The following HADHA variants were observed in gnomAD, a reference collection of about 807,000 sequenced individuals.
HADHA encodes trifunctional enzyme subunit alpha, mitochondrial.
A neutral mutation model predicts 91.3 loss-of-function variants in HADHA; 59 were observed. That is an observed-to-expected ratio of 0.65 (90% CI 0.52 to 0.80). The LOEUF (loss-of-function observed/expected upper bound fraction) is 0.80. Ranked by LOEUF, HADHA falls within the 30% of genes least tolerant of loss-of-function variation. The pLI is 0.00. For synonymous variants in HADHA, 320 were observed against 338.9 expected (o/e 0.94, Z 0.61); for missense variants, 800 against 927.6 (o/e 0.86, Z 1.79).
Position 26,221,636 on chromosome 2 carries a change from C to T in HADHA, c.677-6461G>A, listed in dbSNP as rs1199346015. The stretch of plus-strand genomic sequence containing the variant: ...CAAAATACCCCACGGCCCTGTTCTT[C>T]TTTGTCTCTTCCAGCCTGCACCTAT... On this transcript the variant is annotated intron_variant, in intron 7 of 19. Transcript: ENST00000380649. This position sits in a 1 kb window ranked among gnomAD's most constrained non-coding sequence, Gnocchi z 4.8. Among the ~76,000 whole-genome samples the T allele has an allele frequency of 6.6e-6, 1 of 152,192 alleles. No individual in the cohort carries two copies. Among genetic ancestry groups the T allele is most frequent in the Non-Finnish European group, 1.5e-5 (1 of 68,028 alleles).
chr2:26,198,623 A>T (rs1669746718), intron 13 of HADHA, among the ~76,000 whole-genome samples: 1 of 151,002 alleles, frequency 6.6e-6, no homozygotes, highest in South Asian at 2.1e-4. Context: ...ACAAAATAAG[A>T]TTATAATGCA....
At chr2:26,211,580 T>C (rs576898198) in intron 10 of HADHA, among the ~76,000 whole-genome samples, 127 of 152,354 alleles carry the variant, frequency 8.3e-4, no homozygotes, top group African/African-American at 3.0e-3. Context: ...TCTGATCCCA[T>C]TCCCAAGATC....
At chr2:26,202,203 T>C (rs1669864266) in intron 12 of HADHA, among the ~76,000 whole-genome samples, 1 of 152,276 alleles carries the variant, frequency 6.6e-6, no homozygotes, top group Admixed American at 6.5e-5. Flanking sequence ...TTACATAAAA[T>C]ATTAACTCAA....
In HADHA at chr2:26,234,367, A is replaced by G. The variant is rs531815564; in HGVS notation, c.315-12T>C. The G allele has an allele frequency of 4.7e-5, 76 of 1,609,608 alleles. No homozygotes were observed. In the African/African-American group the frequency reaches 8.3e-4, roughly 18 times the overall value. On this transcript the variant is annotated splice_polypyrimidine_tract_variant and intron_variant, in intron 4 of 19. Coordinates refer to ENST00000380649, the MANE Select transcript of HADHA (RefSeq NM_000182.5). Reference sequence around the variant, plus strand: ...AAGCGGCTAACATGCTGCATTATCCATAAAAGTAGAGAACAGAGAAAAAGA... The same window carrying G: ...AAGCGGCTAACATGCTGCATTATCCGTAAAAGTAGAGAACAGAGAAAAAGA...
At chr2:26,203,007 G>A (rs1478043552) in intron 12 of HADHA, among the ~76,000 whole-genome samples, 1 of 152,244 alleles carries the variant, frequency 6.6e-6, no homozygotes, top group South Asian at 2.1e-4. Flanking sequence ...GAGACTGGGG[G>A]AGGAAACTAT....
chr2:26,229,375 A>ACAC lies in HADHA; in HGVS notation c.676+816_676+817insGTG. ...ACACACACACACACACACACACACAAAATTAATACATTTACTATTATGTAA... is the reference window on the plus strand; with the variant it reads ...ACACACACACACACACACACACACAACACAATTAATACATTTACTATTATGTAA... On this transcript the variant is annotated intron_variant, in intron 7 of 19. Coordinates refer to ENST00000380649, the MANE Select transcript of HADHA (RefSeq NM_000182.5). The surrounding 1 kb of genome is among the most constrained non-coding windows in gnomAD (Gnocchi z 4.3). Among the ~76,000 whole-genome samples the ACAC allele has an allele frequency of 1.3e-5, 1 of 75,646 alleles. No homozygotes were observed. The highest frequency in any genetic ancestry group is 1.2e-4 in the Admixed American group (1 of 8,382). The allele number at this position is 75,646 out of a possible 152,430, so 49.6% of individuals were successfully genotyped here.
intron 6 of HADHA, among the ~76,000 whole-genome samples, chr2:26,231,608 C>G (rs552002024): frequency 6.6e-6 from 1 of 152,252 alleles, no homozygotes; most frequent in Non-Finnish European, 1.5e-5. Flanking sequence ...TCCAGAAATG[C>G]AAGACATGCA....
chr2:26,233,400 A>G (rs1248155114), intron 5 of HADHA, among the ~76,000 whole-genome samples: 1 of 152,246 alleles, frequency 6.6e-6, no homozygotes, highest in Non-Finnish European at 1.5e-5. Flanking sequence ...TTATGTGGTA[A>G]ATGACTGCAT....
intron 7 of HADHA, among the ~76,000 whole-genome samples, chr2:26,222,876 T>C (rs1670405383): frequency 6.6e-6 from 1 of 152,188 alleles, no homozygotes; most frequent in Admixed American, 6.5e-5. Flanking sequence ...GCCAGCTAAG[T>C]GGCAGTATTT....
rs566403203 is a variant in HADHA, at chr2:26,206,717, T to C, written c.1086-2521A>G. On this transcript the variant is annotated intron_variant, in intron 11 of 19. Transcript: ENST00000380649. ...AGATGGACTTATACACAAGATGACA[T>C]GCTGTGATGAACAGCTATATAATAA... Among the ~76,000 whole-genome samples the C allele has an allele frequency of 3.9e-5, 6 of 152,334 alleles. No homozygotes were observed. In the South Asian group the frequency reaches 1.2e-3, roughly 32 times the overall value.
chr2:26,233,562 A>G (rs538703388), intron 5 of HADHA, among the ~76,000 whole-genome samples: 10 of 152,212 alleles, frequency 6.6e-5, no homozygotes, highest in Non-Finnish European at 1.3e-4. Flanking sequence ...CTGACAAAGC[A>G]CTTATATTAT....
chr2:26,191,378 C>G lies in HADHA; in HGVS notation c.2164G>C (p.Asp722His). The change falls in exon 20 of 20, where the codon GAT becomes CAT. Residue 722 changes from aspartate to histidine, a missense_variant. Asp to His is a moderately conservative substitution (Grantham distance 81, BLOSUM62 -1). Transcript: ENST00000380649. ...PCLGGPFRFVDLYGAQKIVDR... is the reference protein window; with the variant it reads ...PCLGGPFRFVHLYGAQKIVDR... Reference sequence around the variant, plus strand: ...ACTATCTTCTGGGCGCCATACAGATCCACAAAGCGGAAAGGCCCTGAATAG... The same window carrying G: ...ACTATCTTCTGGGCGCCATACAGATGCACAAAGCGGAAAGGCCCTGAATAG... The G allele has an allele frequency of 6.2e-7, 1 of 1,614,204 alleles. No homozygotes were observed. Among genetic ancestry groups the G allele is most frequent in the Non-Finnish European group, 8.5e-7 (1 of 1,180,042 alleles).
rs1164185327 is a variant in HADHA, at chr2:26,210,901, G to A, written c.976-1012C>T. On this transcript the variant is annotated intron_variant, in intron 10 of 19. Transcript: ENST00000380649. The surrounding 1 kb of genome is among the most constrained non-coding windows in gnomAD (Gnocchi z 4.0). ...ACTAGTAAAATGACCAGGGTCTCAA[G>A]GTTAGCTATTATTAATATCACTAGG... 1 of 152,162 alleles carries A rather than the reference G, an allele frequency of 6.6e-6. No individual in the cohort carries two copies. Among genetic ancestry groups the A allele is most frequent in the Non-Finnish European group, 1.5e-5 (1 of 68,038 alleles). The allele number at this position is 152,162 out of a possible 1,614,324, so 9.4% of individuals were successfully genotyped here.
At chr2:26,230,870 G>A (rs966186399) in intron 6 of HADHA, among the ~76,000 whole-genome samples, 5 of 152,040 alleles carry the variant, frequency 3.3e-5, no homozygotes, top group African/African-American at 7.2e-5. Flanking sequence ...GCAGTGAGCC[G>A]AGATCATGCC....
rs1225874060 is a variant in HADHA, at chr2:26,232,207, G to A, written c.526C>T (p.Leu176=). ...KTVLGTPEVL[L]GALPGAGGTQ... Reference sequence around the variant, plus strand: ...CCTCCTGCTCCTGGTAAGGCCCCCAGCAAAACTTCAGGGGTACCTAATACT... The same window carrying A: ...CCTCCTGCTCCTGGTAAGGCCCCCAACAAAACTTCAGGGGTACCTAATACT... The change falls in exon 6 of 20, where the codon CTG becomes TTG. Residue 176 remains leucine, a synonymous_variant. Transcript: ENST00000380649. 1 of 1,609,440 alleles carries A rather than the reference G, an allele frequency of 6.2e-7. No homozygotes were observed. The highest frequency in any genetic ancestry group is 1.7e-5 in the Admixed American group (1 of 59,982).
intron 11 of HADHA, among the ~76,000 whole-genome samples, chr2:26,209,278 T>C (rs186972370): frequency 3.3e-5 from 5 of 152,164 alleles, no homozygotes; most frequent in Middle Eastern, 3.2e-3. Flanking sequence ...GAAGAGCTAT[T>C]AGGCAGCGTA....
rs2147779503 is a variant in HADHA at position 26,229,539 on chromosome 2, G to A, written c.676+653C>T. On this transcript the variant is annotated intron_variant, in intron 7 of 19. Transcript: ENST00000380649. The surrounding 1 kb of genome is among the most constrained non-coding windows in gnomAD (Gnocchi z 4.3). ...AGCCCATCAGTAGATATCAATTATT[G>A]TTAATATTCTCAGGTTGGTTGTTTC... Among the ~76,000 whole-genome samples the A allele has an allele frequency of 6.6e-6, 1 of 152,192 alleles. No homozygotes were observed. Among genetic ancestry groups the A allele is most frequent in the South Asian group, 2.1e-4 (1 of 4,830 alleles).
Position 26,195,174 on chromosome 2 carries a change from G to A in HADHA, c.1538C>T (p.Thr513Met), listed in dbSNP as rs763333426. 75 of 1,611,356 alleles carry A rather than the reference G, an allele frequency of 4.7e-5. No homozygotes were observed. Among genetic ancestry groups the A allele is most frequent in the East Asian group, 2.2e-4 (10 of 44,880 alleles). ...GGTGTCTTTGGAAGTTTTCTCGGTC[G>A]TGATAATCTCCAGCAGCTGCATCTT... is the stretch of plus-strand genomic sequence containing the variant. ...VDKMQLLEII[T>M]TEKTSKDTSA... The change falls in exon 15 of 20, where the codon ACG (threonine) becomes ATG (methionine). Residue 513 changes from threonine to methionine, a missense_variant. Thr to Met is a moderately conservative substitution (Grantham distance 81). Transcript: ENST00000380649.
chr2:26,222,383 A>G (rs1277024055), intron 7 of HADHA, among the ~76,000 whole-genome samples: 1 of 152,198 alleles, frequency 6.6e-6, no homozygotes, highest in African/African-American at 2.4e-5. Context: ...CTAATATACA[A>G]GGACACCTGG....
Sources: gnomAD v4.1 joint callset for allele counts (sites outside exome capture counted in the v4.1 genomes callset) on GRCh38, gnomAD v4.1.1 for gene constraint, Gnocchi (gnomAD v3.1) non-coding constraint, MANE v1.5 for transcripts, NCBI Gene and HGNC (gene_info 2026-07-23, HGNC 2026-07-21) for gene names.